Variants in SORCS3 observed in about 807,000 individuals in gnomAD.
The protein encoded by SORCS3 is VPS10 domain-containing receptor SorCS3.
In SORCS3, 57 loss-of-function variants were observed where a neutral mutation model predicts 146.3. The observed-to-expected ratio is 0.39, with a 90% CI of 0.31 to 0.49. SORCS3 has a LOEUF of 0.49. SORCS3 is among the 20% of genes least tolerant of loss of function. The pLI, the probability that SORCS3 is intolerant of heterozygous loss-of-function variation, is 0.92. For missense variants in SORCS3, 1,341 were observed against 1,575.5 expected, an observed-to-expected ratio of 0.85 and a Z score of 2.52; for synonymous variants, 653 against 618.5, an observed-to-expected ratio of 1.06 and a Z score of -0.83.
chr10:104,857,733 G>T lies in SORCS3; in HGVS notation c.695+14874G>T, dbSNP rs188565387. 5.7e-3 allele frequency among the ~76,000 whole-genome samples: 862 copies of T among 152,118 alleles called. 14 individuals carry two copies. The highest frequency in any genetic ancestry group is 0.019 in the African/African-American group (802 of 41,444). On this transcript the variant is annotated intron_variant, in intron 2 of 26. Transcript: ENST00000369701. ...GTGTCATTGAGTCTTACATGGTGAG[G>T]GGCTATGAGGTACCAGGCTTTACTG...
At chr10:105,148,185 G>A (rs933429859) in intron 9 of SORCS3, among the ~76,000 whole-genome samples, 1 of 152,114 alleles carries the variant, frequency 6.6e-6, no homozygotes, top group African/African-American at 2.4e-5. Flanking sequence ...CTACTTATGT[G>A]CCTTAAATTA....
At chr10:105,006,456 T>C (rs1250218259) in intron 4 of SORCS3, among the ~76,000 whole-genome samples, 1 of 152,158 alleles carries the variant, frequency 6.6e-6, no homozygotes, top group Non-Finnish European at 1.5e-5. Flanking sequence ...TCTTCCTCCC[T>C]AATCCACATA....
chr10:104,936,690 C>A lies in SORCS3; in HGVS notation c.795+20758C>A, dbSNP rs538661234. On this transcript the variant is annotated intron_variant, in intron 3 of 26. Coordinates refer to ENST00000369701, the MANE Select transcript of SORCS3 (RefSeq NM_014978.3). Reference sequence around the variant, plus strand: ...GATAAGTCTCCTTGGCAAACAAAGACGAATTTAACAATAAAAGCTGTTTGG... The same window carrying A: ...GATAAGTCTCCTTGGCAAACAAAGAAGAATTTAACAATAAAAGCTGTTTGG... Among the ~76,000 whole-genome samples the A allele has an allele frequency of 4.3e-4, 66 of 152,276 alleles. No individual in the cohort carries two copies. In the Middle Eastern group the frequency reaches 0.014, roughly 31 times the overall value.
At chr10:105,237,676 AT>A (rs1341170014) in intron 20 of SORCS3, among the ~76,000 whole-genome samples, 1 of 152,142 alleles carries the variant, frequency 6.6e-6, no homozygotes, top group African/African-American at 2.4e-5. Context: ...GAGTGCCGTG[AT>A]TTTAGAGCTG....
intron 5 of SORCS3, among the ~76,000 whole-genome samples, chr10:105,044,233 A>G (rs1340378822): frequency 6.6e-6 from 1 of 152,000 alleles, no homozygotes; most frequent in African/African-American, 2.4e-5. Context: ...GCTGGCCATC[A>G]GTGTCATGCC....
intron 17 of SORCS3, among the ~76,000 whole-genome samples, chr10:105,212,060 G>A (rs1158895558): frequency 5.3e-5 from 8 of 152,160 alleles, no homozygotes. Context: ...TGGATCTTCT[G>A]TCATCTCAGT....
chr10:104,898,971 G>A (rs541966588), intron 2 of SORCS3, among the ~76,000 whole-genome samples: 13 of 152,294 alleles, frequency 8.5e-5, no homozygotes, highest in African/African-American at 2.9e-4. Context: ...CAAGATGCAT[G>A]TCCAGCCCTC....
intron 4 of SORCS3, among the ~76,000 whole-genome samples, chr10:104,993,786 G>T (rs2055008351): frequency 6.6e-6 from 1 of 152,114 alleles, no homozygotes; most frequent in Non-Finnish European, 1.5e-5. Flanking sequence ...GAAAATGCCA[G>T]TTTAATAATC....
At chr10:104,725,096 T>A (rs1200730666) in intron 1 of SORCS3, among the ~76,000 whole-genome samples, 1 of 152,154 alleles carries the variant, frequency 6.6e-6, no homozygotes, top group Non-Finnish European at 1.5e-5. Context: ...TTTTTCCCCA[T>A]CTTTGTGGTT....
chr10:104,789,099 G>C (rs940416899), intron 1 of SORCS3, among the ~76,000 whole-genome samples: 5 of 152,166 alleles, frequency 3.3e-5, no homozygotes, highest in Non-Finnish European at 4.4e-5. Flanking sequence ...GGCCAAGTGG[G>C]AGCAAGTGAG....
At chr10:104,773,882 G>T (rs569143848) in intron 1 of SORCS3, among the ~76,000 whole-genome samples, 6 of 152,282 alleles carry the variant, frequency 3.9e-5, no homozygotes, top group African/African-American at 1.4e-4. Context: ...TCAATGTGTG[G>T]TCCAAAACCC....
At chr10:104,813,474 G>A (rs984144222) in intron 1 of SORCS3, among the ~76,000 whole-genome samples, 41 of 152,188 alleles carry the variant, frequency 2.7e-4, no homozygotes, top group Non-Finnish European at 3.4e-4. Context: ...ACTCAGTTCA[G>A]TGATGGGATC....
intron 1 of SORCS3, among the ~76,000 whole-genome samples, chr10:104,712,296 A>G (rs1482583622): frequency 3.3e-5 from 5 of 152,140 alleles, no homozygotes. Flanking sequence ...CCAGAGCCCA[A>G]TTCTAGTTGC....
chr10:105,100,989 C>T (rs1044726098), intron 6 of SORCS3, among the ~76,000 whole-genome samples: 12 of 152,210 alleles, frequency 7.9e-5, no homozygotes, highest in Admixed American at 5.9e-4. Flanking sequence ...TAGTAAGTCC[C>T]GGATTTGATC....
At chr10:105,236,448 C>T (rs565701242) in intron 20 of SORCS3, among the ~76,000 whole-genome samples, 10 of 152,174 alleles carry the variant, frequency 6.6e-5, no homozygotes, top group South Asian at 2.1e-4. Context: ...AGAAAGAGGA[C>T]GATTTTAAGT....
intron 14 of SORCS3, among the ~76,000 whole-genome samples, chr10:105,192,412 A>C (rs907885101): frequency 2.0e-5 from 3 of 152,042 alleles, no homozygotes; most frequent in Non-Finnish European, 2.9e-5. Context: ...TAGCCTGAAG[A>C]CTGACAGTCC....
intron 1 of SORCS3, among the ~76,000 whole-genome samples, chr10:104,643,483 C>T (rs1054398174): frequency 2.0e-5 from 3 of 152,314 alleles, no homozygotes; most frequent in Non-Finnish European, 4.4e-5. Context: ...AGCGCGATGG[C>T]GGGCTTCATC....
Position 105,147,740 on chromosome 10 carries a change from G to T in SORCS3, c.1426G>T (p.Glu476Ter). The T allele has an allele frequency of 6.2e-7, 1 of 1,613,064 alleles. No individual in the cohort carries two copies. The highest frequency in any genetic ancestry group is 8.5e-7 in the Non-Finnish European group (1 of 1,179,304). ...TGGGATTTACTTCACTCTGGCCATGGAGAACATCAAGAGCAGCAGAGGTCT... is the reference window on the plus strand; with the variant it reads ...TGGGATTTACTTCACTCTGGCCATGTAGAACATCAAGAGCAGCAGAGGTCT... ...TRGIYFTLAM[E>*]NIKSSRGLMG... The change falls in exon 9 of 27, where the codon GAG (glutamate) becomes TAG (stop). Residue 476 changes from glutamate (E) to a stop codon, truncating the protein, a stop_gained. Coordinates refer to ENST00000369701, the MANE Select transcript of SORCS3 (RefSeq NM_014978.3). LOFTEE classifies it high-confidence loss of function.
chr10:105,164,160 A>G (rs745489986), intron 11 of SORCS3, 143 bp from the exon 12 acceptor site: 141 of 646,480 alleles, frequency 2.2e-4, no homozygotes, highest in Non-Finnish European at 3.7e-4. Flanking sequence ...TGGGCTTTTG[A>G]TATGACACCA....
Sources: allele counts gnomAD v4.1 joint callset (sites outside exome capture counted in the v4.1 genomes callset), GRCh38; gene constraint gnomAD v4.1.1; transcripts MANE v1.5; gene names NCBI Gene and HGNC (gene_info 2026-07-23, HGNC 2026-07-21).